AGBL4: variants seen among roughly 807,000 people sequenced by gnomAD.
The protein encoded by AGBL4 is cytosolic carboxypeptidase 6.
A neutral mutation model predicts 66.4 loss-of-function variants in AGBL4; 58 were observed. The observed-to-expected ratio is 0.87, with a 90% CI of 0.71 to 1.09. AGBL4 has a LOEUF of 1.09. Among genes scored for constraint, AGBL4 ranks in the 50% least tolerant of loss-of-function variants. AGBL4 has a pLI of 0.00. For synonymous variants in AGBL4, 234 were observed against 222.9 expected (o/e 1.05, Z -0.44); for missense variants, 579 against 631.0 (o/e 0.92, Z 0.88).
chr1:49,041,478 T>TCCA (rs1643940053), intron 5 of AGBL4, among the ~76,000 whole-genome samples: 1 of 152,130 alleles, frequency 6.6e-6, no homozygotes, highest in Non-Finnish European at 1.5e-5. Context: ...CTGCTTTGGA[T>TCCA]AAGGTAAATC....
At position 48,634,519 on chromosome 1, in the gene AGBL4, G is replaced by A. The variant is rs763698884; in HGVS notation, c.925C>T (p.Leu309Phe). Reference sequence around the variant, plus strand: ...GGGTCGTTGTACATCTGGACGATGAGTTGTTTCACTCCATGCAGGGTAGGA... The same window carrying A: ...GGGTCGTTGTACATCTGGACGATGAATTGTTTCACTCCATGCAGGGTAGGA... ...VHPTLHGVKQ[L>F]IVQMYNDPKT... Residue 309 changes from leucine (L) to phenylalanine (F), a missense_variant, in exon 9 of 14, where the codon CTC becomes TTC. Coordinates refer to ENST00000371839, the MANE Select transcript of AGBL4 (RefSeq NM_032785.4). 1.9e-6 allele frequency: 3 copies of A among 1,604,386 alleles called. No individual in the cohort carries two copies. Among genetic ancestry groups the A allele is most frequent in the Non-Finnish European group, 2.6e-6 (3 of 1,175,322 alleles).
chr1:48,889,123 T>A (rs1368669346), intron 5 of AGBL4, among the ~76,000 whole-genome samples: 1 of 152,220 alleles, frequency 6.6e-6, no homozygotes, highest in Admixed American at 6.5e-5. Context: ...AAGAAGGTAG[T>A]GCTTGGGAAA....
At chr1:49,944,595 C>G (rs1019636913) in intron 1 of AGBL4, among the ~76,000 whole-genome samples, 1 of 151,994 alleles carries the variant, frequency 6.6e-6, no homozygotes, top group Non-Finnish European at 1.5e-5. Context: ...CTGACAGAAC[C>G]TACCCAAATG....
chr1:48,794,528 G>T (rs1645623486), intron 6 of AGBL4, among the ~76,000 whole-genome samples: 1 of 152,168 alleles, frequency 6.6e-6, no homozygotes, highest in Admixed American at 6.5e-5. Flanking sequence ...TCTAGCCTTT[G>T]CCTCTACCGA....
At chr1:49,448,253 T>C (rs1304462660) in intron 3 of AGBL4, among the ~76,000 whole-genome samples, 2 of 152,162 alleles carry the variant, frequency 1.3e-5, no homozygotes, top group Non-Finnish European at 2.9e-5. Context: ...GGAGAACAAA[T>C]GGTAGAACTG....
intron 4 of AGBL4, among the ~76,000 whole-genome samples, chr1:49,123,770 T>C (rs889675600): frequency 1.3e-5 from 2 of 152,234 alleles, no homozygotes; most frequent in Admixed American, 1.3e-4. Flanking sequence ...TTGAGTTTTG[T>C]AATGGATTGT....
chr1:49,279,564 G>A (rs542466333), intron 3 of AGBL4, among the ~76,000 whole-genome samples: 21 of 151,506 alleles, frequency 1.4e-4, no homozygotes, highest in African/African-American at 4.4e-4. Context: ...AAGAAGACCC[G>A]TCTTTTTTTT....
intron 6 of AGBL4, among the ~76,000 whole-genome samples, chr1:48,824,424 T>C (rs1458974817): frequency 6.6e-6 from 1 of 152,114 alleles, no homozygotes; most frequent in African/African-American, 2.4e-5. Flanking sequence ...TAAGAAAGAA[T>C]GGAGGACATC....
At chr1:49,181,131 A>G (rs1376985028) in intron 4 of AGBL4, among the ~76,000 whole-genome samples, 1 of 152,110 alleles carries the variant, frequency 6.6e-6, no homozygotes, top group Non-Finnish European at 1.5e-5. Context: ...CTCTACCCAG[A>G]CAAACCAAGC....
chr1:48,848,100 T>G (rs113905170), intron 6 of AGBL4, among the ~76,000 whole-genome samples: 6,290 of 152,152 alleles, frequency 0.041, 430 homozygotes, highest in African/African-American at 0.14. Context: ...AAAAAAAAAG[T>G]TTCTAATTTT....
At chr1:48,607,580 T>C (rs547530712) in intron 9 of AGBL4, among the ~76,000 whole-genome samples, 1 of 152,230 alleles carries the variant, frequency 6.6e-6, no homozygotes, top group East Asian at 1.9e-4. Flanking sequence ...ATTGCGCCAT[T>C]GCACTCCAGC....
At chr1:49,280,334 G>A (rs966805956) in intron 3 of AGBL4, among the ~76,000 whole-genome samples, 9 of 152,152 alleles carry the variant, frequency 5.9e-5, no homozygotes, top group Non-Finnish European at 1.3e-4. Context: ...CCATTTTTGT[G>A]TCAGTTAAAC....
intron 1 of AGBL4, among the ~76,000 whole-genome samples, chr1:49,936,894 T>A (rs959327308): frequency 1.3e-5 from 2 of 152,176 alleles, no homozygotes; most frequent in Non-Finnish European, 2.9e-5. Context: ...CATGCCGAAT[T>A]ATACAGACCA....
intron 4 of AGBL4, among the ~76,000 whole-genome samples, chr1:49,090,331 G>T (rs1279520507): frequency 6.6e-6 from 1 of 152,050 alleles, no homozygotes; most frequent in Non-Finnish European, 1.5e-5. Flanking sequence ...TCTATACCTA[G>T]AAAACCCCAT....
chr1:48,604,230 A>G (rs1421497390), intron 9 of AGBL4, among the ~76,000 whole-genome samples: 1 of 152,156 alleles, frequency 6.6e-6, no homozygotes, highest in African/African-American at 2.4e-5. Flanking sequence ...ACAAAGCAAG[A>G]TTGACAGTTT....
intron 2 of AGBL4, among the ~76,000 whole-genome samples, chr1:49,800,351 AT>A (rs985184194): frequency 4.5e-5 from 6 of 134,608 alleles, no homozygotes; most frequent in South Asian, 2.4e-4. Flanking sequence ...TTTATTTATT[AT>A]TTTTTTTCTC....
At chr1:49,611,614 T>A (rs1458136984) in intron 3 of AGBL4, among the ~76,000 whole-genome samples, 3 of 152,106 alleles carry the variant, frequency 2.0e-5, no homozygotes, top group African/African-American at 7.2e-5. Flanking sequence ...CCTGACCTCG[T>A]GATCCGCCTG....
At chr1:48,956,776 G>C (rs543358302) in intron 5 of AGBL4, among the ~76,000 whole-genome samples, 3 of 152,234 alleles carry the variant, frequency 2.0e-5, no homozygotes, top group African/African-American at 7.2e-5. Flanking sequence ...ATAGCAGGCA[G>C]ATAGGAAACA....
intron 4 of AGBL4, among the ~76,000 whole-genome samples, chr1:49,226,610 T>G (rs1649930348): frequency 6.6e-6 from 1 of 152,158 alleles, no homozygotes; most frequent in African/African-American, 2.4e-5. Context: ...TTCCCTCACC[T>G]CAAACCTGCT....
Sources: gnomAD v4.1 joint callset for allele counts (sites outside exome capture counted in the v4.1 genomes callset) on GRCh38, gnomAD v4.1.1 for gene constraint, MANE v1.5 for transcripts, NCBI Gene and HGNC (gene_info 2026-07-23, HGNC 2026-07-21) for gene names.